The following ANKRD36B variants were observed in gnomAD, a reference collection of about 807,000 sequenced individuals.
The protein encoded by ANKRD36B is ankyrin repeat domain-containing protein 36B.
A neutral mutation model predicts 135.7 loss-of-function variants in ANKRD36B; 37 were observed. The ratio of observed to expected loss-of-function variants is 0.27; its 90% CI spans 0.21 to 0.36. The LOEUF (loss-of-function observed/expected upper bound fraction) is 0.36. Among genes scored for constraint, ANKRD36B ranks in the 10% least tolerant of loss-of-function variants. The pLI is 1.00. For missense variants in ANKRD36B, 549 were observed against 1,037.1 expected, an observed-to-expected ratio of 0.53 and a Z score of 6.46; for synonymous variants, 179 against 348.1, an observed-to-expected ratio of 0.51 and a Z score of 5.41.
At chr2:97,566,419 G>A (rs1480436977) in intron 6 of ANKRD36B, among the ~76,000 whole-genome samples, 2 of 152,056 alleles carry the variant, frequency 1.3e-5, no homozygotes, top group Non-Finnish European at 2.9e-5. Flanking sequence ...CTCATGATTT[G>A]TTACAAAGCA....
chr2:97,571,377 G>C (rs1186143174), intron 6 of ANKRD36B, among the ~76,000 whole-genome samples: 1 of 151,852 alleles, frequency 6.6e-6, no homozygotes, highest in Non-Finnish European at 1.5e-5. Flanking sequence ...GCTGGGGGCG[G>C]TGCCTTACAC....
intron 6 of ANKRD36B, among the ~76,000 whole-genome samples, chr2:97,571,473 G>C (rs1029778179): frequency 1.9e-4 from 29 of 151,986 alleles, no homozygotes; most frequent in East Asian, 9.7e-4. Context: ...CAGTGAAACC[G>C]CATCTCTACT....
At position 97,589,644 on chromosome 2, in the gene ANKRD36B, G is replaced by A; in HGVS notation, c.42C>T (p.Tyr14=). Reference sequence around the variant, plus strand: ...TCTTCAGATGATACGGTTTAATGTAGTAATGGGGAAATGCGAAGCCATCCG... The same window carrying A: ...TCTTCAGATGATACGGTTTAATGTAATAATGGGGAAATGCGAAGCCATCCG... ...LCSDGFAFPH[Y]YIKPYHLKRI... Residue 14 remains tyrosine (Y), a synonymous_variant, in exon 1 of 44, where the codon TAC becomes TAT. Transcript: ENST00000359901. 6.2e-7 allele frequency: 1 copy of A among 1,614,198 alleles called. No homozygotes were observed. The highest frequency in any genetic ancestry group is 8.5e-7 in the Non-Finnish European group (1 of 1,180,032).
chr2:97,574,796 C>T (rs1040148059), intron 6 of ANKRD36B, among the ~76,000 whole-genome samples: 8 of 151,908 alleles, frequency 5.3e-5, no homozygotes, highest in Admixed American at 4.6e-4. Context: ...GATAAGAAGA[C>T]CACAGTTTTT....
At chr2:97,582,401 T>C (rs2082688978) in intron 3 of ANKRD36B, among the ~76,000 whole-genome samples, 1 of 151,422 alleles carries the variant, frequency 6.6e-6, no homozygotes, top group South Asian at 2.1e-4. Flanking sequence ...AAACAGGGCT[T>C]GTAAAGTCAT....
In ANKRD36B at chr2:97,553,902, A is replaced by C. The variant is rs186210276; in HGVS notation, c.1172-531T>G. On this transcript the variant is annotated intron_variant, in intron 14 of 43. Coordinates refer to ENST00000359901, the MANE Select transcript of ANKRD36B (RefSeq NM_001393939.1). ...TTCAGTGAAGTGTCCTAAATTGATC[A>C]GCTTGGATATATGTTTCCTGAATCC... 1.3e-3 allele frequency among the ~76,000 whole-genome samples: 200 copies of C among 152,116 alleles called. 3 individuals are homozygous for C. Among genetic ancestry groups the C allele is most frequent in the African/African-American group, 4.6e-3 (189 of 41,536 alleles).
In ANKRD36B at chr2:97,539,991, T is replaced by C. The variant is rs2079070257; in HGVS notation, c.1987+43A>G. On this transcript the variant is annotated intron_variant, in intron 30 of 43. Coordinates refer to ENST00000359901, the MANE Select transcript of ANKRD36B (RefSeq NM_001393939.1). ...TATTTGGGGAAGAGAAGTTCTTTTC[T>C]ATCTGGACTGAACATGACATTAAAT... The C allele has an allele frequency of 2.4e-6, 2 of 840,176 alleles. 1 individual carries two copies. The highest frequency in any genetic ancestry group is 3.6e-5 in the African/African-American group (2 of 55,996). 52.0% of individuals were successfully genotyped at this position (840,176 alleles called of 1,614,324 possible).
intron 34 of ANKRD36B, among the ~76,000 whole-genome samples, chr2:97,535,486 AACACACAC>A (rs201309834): frequency 2.5e-4 from 27 of 108,108 alleles, no homozygotes; most frequent in Non-Finnish European, 1.7e-4. Context: ...AAAAAAATAA[AACACACAC>A]ACACACACAC....
intron 1 of ANKRD36B, among the ~76,000 whole-genome samples, chr2:97,585,937 T>C (rs2082947624): frequency 6.6e-6 from 1 of 152,250 alleles, no homozygotes; most frequent in African/African-American, 2.4e-5. Flanking sequence ...TAAGCTACTA[T>C]TCTCTTATAT....
At chr2:97,562,512 C>G (rs1354039074) in intron 6 of ANKRD36B, among the ~76,000 whole-genome samples, 3 of 152,004 alleles carry the variant, frequency 2.0e-5, no homozygotes, top group Admixed American at 6.6e-5. Context: ...TGTGGGTTAC[C>G]CTCATCCTTG....
intron 22 of ANKRD36B, 141 bp downstream of exon 22, chr2:97,547,395 C>G (rs536324550): frequency 5.5e-5 from 57 of 1,036,408 alleles, no homozygotes; most frequent in Non-Finnish European, 7.6e-5. Flanking sequence ...CTATCACCCA[C>G]GAACTTATTT....
intron 14 of ANKRD36B, among the ~76,000 whole-genome samples, chr2:97,553,730 A>C (rs535986690): frequency 3.9e-4 from 60 of 152,078 alleles, no homozygotes; most frequent in Non-Finnish European, 7.4e-4. Flanking sequence ...TGGCACATGC[A>C]CCCACATGTC....
chr2:97,576,506 A>C, intron 5 of ANKRD36B, 60 bp from the exon 6 acceptor site: 1 of 567,652 alleles, frequency 1.8e-6, no homozygotes, highest in Non-Finnish European at 3.0e-6. Flanking sequence ...CATTTACCAA[A>C]TATACTAAAT....
chr2:97,577,215 A>G (rs1306946135), intron 5 of ANKRD36B, among the ~76,000 whole-genome samples: 3 of 143,606 alleles, frequency 2.1e-5, no homozygotes, highest in Non-Finnish European at 4.6e-5. Flanking sequence ...CTCTAACTGA[A>G]TGAGCAGATG....
intron 12 of ANKRD36B, among the ~76,000 whole-genome samples, chr2:97,556,627 C>A (rs1289157418): frequency 6.6e-6 from 1 of 151,806 alleles, no homozygotes; most frequent in Non-Finnish European, 1.5e-5. Context: ...TTCTCCTTCC[C>A]CTCTCCATAG....
In ANKRD36B at chr2:97,528,972, G is replaced by T. The variant is rs1371134238; in HGVS notation, c.2265+3339C>A. On this transcript the variant is annotated intron_variant, in intron 35 of 43. Transcript: ENST00000359901. The stretch of plus-strand genomic sequence containing the variant: ...GGATTCACAGTCGCATTCTACCAGA[G>T]GTACAAGGAGGAACTGGTACCATTC... Among the ~76,000 whole-genome samples the T allele has an allele frequency of 1.4e-4, 13 of 96,156 alleles. 4 individuals are homozygous for T. Among genetic ancestry groups the T allele is most frequent in the African/African-American group, 4.1e-4 (13 of 31,984 alleles). The allele number at this position is 96,156 out of a possible 152,430, so 63.1% of individuals were successfully genotyped here. A position where few individuals can be genotyped will look rare whatever the true frequency, so the allele number is the denominator to read the frequency against.
intron 6 of ANKRD36B, among the ~76,000 whole-genome samples, chr2:97,562,167 T>C (rs1441952558): frequency 2.0e-5 from 3 of 151,840 alleles, no homozygotes; most frequent in Non-Finnish European, 4.4e-5. Context: ...ATCAGATTCC[T>C]ATGAAAATAA....
At position 97,549,558 on chromosome 2, in the gene ANKRD36B, T is replaced by C. The variant is rs61448564; in HGVS notation, c.1404+28A>G. The C allele has an allele frequency of 4.9e-3, 7,804 of 1,608,172 alleles. No individual in the cohort carries two copies. The East Asian group carries it at 0.1, about 22-fold the overall frequency. On this transcript the variant is annotated intron_variant, in intron 19 of 43. Transcript: ENST00000359901. ...GTTTCATAGACCATACATTAACTAG[T>C]TCACAATATAAATGAGAGTTTCATT...
chr2:97,552,829 C>T (rs1189472037), intron 16 of ANKRD36B, among the ~76,000 whole-genome samples: 1 of 151,876 alleles, frequency 6.6e-6, no homozygotes, highest in Non-Finnish European at 1.5e-5. Context: ...ATCTATACTT[C>T]CTCTCTTTCT....
Sources: gnomAD v4.1 joint callset for allele counts (sites outside exome capture counted in the v4.1 genomes callset) on GRCh38, gnomAD v4.1.1 for gene constraint, MANE v1.5 for transcripts, NCBI Gene and HGNC (gene_info 2026-07-23, HGNC 2026-07-21) for gene names.